The following AFF3 variants were observed in gnomAD, a reference collection of about 807,000 sequenced individuals.
AFF3 encodes the protein ALF transcription elongation factor 3, also known as AF4/FMR2 family member 3.
AFF3 carries 32 observed loss-of-function variants against 129.7 expected under a neutral mutation model. The ratio of observed to expected loss-of-function variants is 0.25; its 90% CI spans 0.19 to 0.33. AFF3 has a LOEUF of 0.33. Among genes scored for constraint, AFF3 ranks in the 10% least tolerant of loss-of-function variants. The probability of loss-of-function intolerance (pLI) is 1.00; values close to 1 mark genes in which losing one functional copy is unlikely to be tolerated. For synonymous variants in AFF3, 644 were observed against 635.4 expected (o/e 1.01, Z -0.20); for missense variants, 1,373 against 1,592.0 (o/e 0.86, Z 2.34).
intron 5 of AFF3, among the ~76,000 whole-genome samples, chr2:100,008,610 A>T (rs1164298276): frequency 6.6e-6 from 1 of 152,230 alleles, no homozygotes; most frequent in African/African-American, 2.4e-5. Flanking sequence ...TTACTGAGGG[A>T]GTGGCCAGTA....
At chr2:99,592,942 C>G (rs58229337) in intron 15 of AFF3, among the ~76,000 whole-genome samples, 1 of 121,676 alleles carries the variant, frequency 8.2e-6, no homozygotes. Flanking sequence ...TCCCCCCCCC[C>G]CAAAAAAAGG....
chr2:99,750,174 T>C (rs1681510971), intron 9 of AFF3, among the ~76,000 whole-genome samples: 1 of 152,138 alleles, frequency 6.6e-6, no homozygotes, highest in African/African-American at 2.4e-5. Flanking sequence ...TCATATATAA[T>C]AGATAAATGA....
At chr2:99,687,271 A>T (rs1465755205) in intron 11 of AFF3, among the ~76,000 whole-genome samples, 1 of 152,270 alleles carries the variant, frequency 6.6e-6, no homozygotes, top group African/African-American at 2.4e-5. Context: ...AATAGTAAAT[A>T]GCTAAATATT....
chr2:99,690,274 G>A (rs1360677940), intron 11 of AFF3, among the ~76,000 whole-genome samples: 6 of 149,542 alleles, frequency 4.0e-5, no homozygotes, highest in East Asian at 2.0e-4. Flanking sequence ...TCCGCCTCCC[G>A]GGTTCACGCC....
At chr2:99,976,177 TAAATTA>T (rs980812246) in intron 7 of AFF3, among the ~76,000 whole-genome samples, 49 of 152,322 alleles carry the variant, frequency 3.2e-4, no homozygotes, top group African/African-American at 1.2e-3. Flanking sequence ...ATTTTCAATT[TAAATTA>T]AATTAAATTT....
At chr2:99,802,136 A>C (rs1685987221) in intron 8 of AFF3, among the ~76,000 whole-genome samples, 1 of 152,226 alleles carries the variant, frequency 6.6e-6, no homozygotes, top group African/African-American at 2.4e-5. Context: ...TTCAAAGCTC[A>C]CTACTTAGGC....
intron 13 of AFF3, among the ~76,000 whole-genome samples, chr2:99,626,708 TCTGA>T (rs899166094): frequency 1.3e-5 from 2 of 152,160 alleles, no homozygotes; most frequent in African/African-American, 4.8e-5. Flanking sequence ...AGTTATTGTT[TCTGA>T]CTATCTCCCT....
At chr2:99,950,731 AAT>A (rs1170952669) in intron 7 of AFF3, among the ~76,000 whole-genome samples, 1 of 152,212 alleles carries the variant, frequency 6.6e-6, no homozygotes, top group Non-Finnish European at 1.5e-5. Context: ...TACTATACAT[AAT>A]TACAATCAGA....
chr2:100,020,176 G>C (rs1683470926), intron 4 of AFF3, among the ~76,000 whole-genome samples: 1 of 151,628 alleles, frequency 6.6e-6, no homozygotes, highest in African/African-American at 2.4e-5. Flanking sequence ...GCAATCCGTG[G>C]ATGCTTTTCA....
At chr2:99,858,998 A>T (rs974693772) in intron 7 of AFF3, among the ~76,000 whole-genome samples, 1 of 152,236 alleles carries the variant, frequency 6.6e-6, no homozygotes, top group African/African-American at 2.4e-5. Flanking sequence ...CTTTATAAAC[A>T]TGGAACTTTA....
intron 21 of AFF3, 128 bp downstream of exon 21, chr2:99,560,237 C>A: frequency 2.1e-6 from 2 of 968,488 alleles, no homozygotes; most frequent in South Asian, 3.1e-5. Flanking sequence ...TTTCCCTGGT[C>A]ATTAGAACTG....
At chr2:99,815,830 C>CTG (rs370392072) in intron 8 of AFF3, among the ~76,000 whole-genome samples, 2,191 of 149,676 alleles carry the variant, frequency 0.015, 22 homozygotes, top group Non-Finnish European at 0.023. Flanking sequence ...CTCTCTCTCT[C>CTG]TGTGTGTGTG....
At chr2:99,916,149 T>C (rs79285165) in intron 7 of AFF3, among the ~76,000 whole-genome samples, 1,566 of 152,228 alleles carry the variant, frequency 0.01, 25 homozygotes, top group African/African-American at 0.036. Context: ...CGTTTCAAAG[T>C]GGGGTGGCCC....
At chr2:99,947,549 G>A (rs1482873750) in intron 7 of AFF3, among the ~76,000 whole-genome samples, 1 of 132,670 alleles carries the variant, frequency 7.5e-6, no homozygotes, top group Non-Finnish European at 1.6e-5. Context: ...AAGAGAGAAA[G>A]AAAGAGAGAG....
Position 99,672,175 on chromosome 2 carries a change from T to TACACACAC in AFF3, c.1143+362_1143+363insGTGTGTGT, listed in dbSNP as rs1558728727. Among the ~76,000 whole-genome samples the TACACACAC allele has an allele frequency of 2.1e-4, 29 of 139,630 alleles. No individual in the cohort carries two copies. The East Asian group carries it at 2.7e-3, about 13-fold the overall frequency. 91.6% of individuals were successfully genotyped at this position (139,630 alleles called of 152,430 possible). On this transcript the variant is annotated intron_variant, in intron 12 of 24. Transcript: ENST00000672756. ...TTTGATCTCCAGAAGGCCAGTTAGC[T>TACACACAC]TCTCACACACACACACACACACACA...
At chr2:99,639,983 C>T (rs1684038414) in intron 13 of AFF3, among the ~76,000 whole-genome samples, 1 of 151,990 alleles carries the variant, frequency 6.6e-6, no homozygotes, top group Admixed American at 6.6e-5. Flanking sequence ...GCACCCGGCC[C>T]AGGATGACTT....
chr2:100,034,755 G>T (rs1220397393), intron 4 of AFF3, among the ~76,000 whole-genome samples: 1 of 152,070 alleles, frequency 6.6e-6, no homozygotes, highest in Non-Finnish European at 1.5e-5. Context: ...GAATACCAAG[G>T]TAGAAAGCAA....
chr2:99,941,761 T>C (rs948361753), intron 7 of AFF3, among the ~76,000 whole-genome samples: 15 of 152,210 alleles, frequency 9.9e-5, no homozygotes, highest in Admixed American at 2.0e-4. Context: ...AGCCACAGTA[T>C]CTTGTGACAG....
At chr2:99,618,385 G>A (rs1187359347) in intron 13 of AFF3, among the ~76,000 whole-genome samples, 1 of 151,474 alleles carries the variant, frequency 6.6e-6, no homozygotes, top group Non-Finnish European at 1.5e-5. Context: ...ACAGACACTC[G>A]CCATCATACC....
Sources: gnomAD v4.1 joint callset for allele counts (sites outside exome capture counted in the v4.1 genomes callset) on GRCh38, gnomAD v4.1.1 for gene constraint, MANE v1.5 for transcripts, NCBI Gene and HGNC (gene_info 2026-07-23, HGNC 2026-07-21) for gene names.